PRKG1: variants seen among roughly 807,000 people sequenced by gnomAD.
PRKG1 encodes the protein protein kinase cGMP-dependent 1.
A neutral mutation model predicts 88.1 loss-of-function variants in PRKG1; 35 were observed. That is an observed-to-expected ratio of 0.40 (90% CI 0.30 to 0.53). The LOEUF is 0.53. Among genes scored for constraint, PRKG1 ranks in the 20% least tolerant of loss-of-function variants. The pLI is 0.59. For synonymous variants in PRKG1, 303 were observed against 292.5 expected (o/e 1.04, Z -0.37); for missense variants, 540 against 839.8 (o/e 0.64, Z 4.41).
chr10:52,041,443 ATTG>A (rs1436340705), intron 5 of PRKG1, among the ~76,000 whole-genome samples: 10 of 152,024 alleles, frequency 6.6e-5, no homozygotes, highest in Non-Finnish European at 8.8e-5. Context: ...TGTCATTTTT[ATTG>A]TTGTGGTCTT....
intron 9 of PRKG1, among the ~76,000 whole-genome samples, chr10:52,234,181 G>C (rs1481795093): frequency 1.3e-5 from 2 of 152,092 alleles, no homozygotes; most frequent in African/African-American, 4.8e-5. Flanking sequence ...CATCATCAAA[G>C]ACCAAAAGTA....
At chr10:51,901,036 T>C (rs1841968299) in intron 4 of PRKG1, among the ~76,000 whole-genome samples, 1 of 152,170 alleles carries the variant, frequency 6.6e-6, no homozygotes, top group Non-Finnish European at 1.5e-5. Context: ...ATGGTGAGTG[T>C]GTGGTGAATA....
chr10:51,903,557 A>G (rs947515865), intron 4 of PRKG1, among the ~76,000 whole-genome samples: 2 of 152,172 alleles, frequency 1.3e-5, no homozygotes, highest in Non-Finnish European at 2.9e-5. Context: ...TAGATAAACA[A>G]AAAATGATAC....
chr10:52,032,092 G>A (rs1845488869), intron 5 of PRKG1, among the ~76,000 whole-genome samples: 1 of 152,124 alleles, frequency 6.6e-6, no homozygotes, highest in Admixed American at 6.6e-5. Context: ...ATGAGTTGTA[G>A]GATTGCAGCA....
chr10:52,166,869 A>C (rs1838485916), intron 9 of PRKG1, among the ~76,000 whole-genome samples: 1 of 75,858 alleles, frequency 1.3e-5, no homozygotes, highest in African/African-American at 4.4e-5. Context: ...ATATCTGTAT[A>C]TGTGTATGTA....
chr10:51,895,522 T>C (rs1302240884), intron 4 of PRKG1, among the ~76,000 whole-genome samples: 1 of 152,186 alleles, frequency 6.6e-6, no homozygotes, highest in Non-Finnish European at 1.5e-5. Context: ...CCACGGTTTC[T>C]GTGTGTTTGG....
intron 3 of PRKG1, among the ~76,000 whole-genome samples, chr10:51,757,908 T>G (rs570428337): frequency 6.6e-6 from 1 of 152,202 alleles, no homozygotes; most frequent in Non-Finnish European, 1.5e-5. Flanking sequence ...TCTCTTATTT[T>G]TAGTTGTATG....
At chr10:51,210,297 C>T (rs2132071503) in intron 2 of PRKG1, among the ~76,000 whole-genome samples, 1 of 152,220 alleles carries the variant, frequency 6.6e-6, no homozygotes, top group South Asian at 2.1e-4. Flanking sequence ...ACCAGAATCT[C>T]TGGGACACAT....
At chr10:51,902,211 G>A (rs1348065169) in intron 4 of PRKG1, among the ~76,000 whole-genome samples, 1 of 152,012 alleles carries the variant, frequency 6.6e-6, no homozygotes, top group East Asian at 1.9e-4. Flanking sequence ...CTGCCTCCCG[G>A]GTTCAAGCAA....
intron 3 of PRKG1, among the ~76,000 whole-genome samples, chr10:51,686,161 CT>C: frequency 6.6e-6 from 1 of 151,740 alleles, no homozygotes; most frequent in East Asian, 1.9e-4. Flanking sequence ...TATTCTTTAA[CT>C]TTTAGGTTCA....
At chr10:51,338,608 A>C (rs956347985) in intron 2 of PRKG1, among the ~76,000 whole-genome samples, 33 of 152,170 alleles carry the variant, frequency 2.2e-4, no homozygotes, top group Admixed American at 1.1e-3. Flanking sequence ...TGGATTGTGT[A>C]AAATGAGATG....
intron 4 of PRKG1, among the ~76,000 whole-genome samples, chr10:51,817,851 CTCTTT>C (rs1477190189): frequency 1.3e-5 from 2 of 152,198 alleles, no homozygotes; most frequent in Non-Finnish European, 2.9e-5. Context: ...TCCTCTTCTT[CTCTTT>C]TCTTTCCTTC....
chr10:51,596,177 T>C (rs1838443896), intron 3 of PRKG1, among the ~76,000 whole-genome samples: 1 of 152,160 alleles, frequency 6.6e-6, no homozygotes, highest in South Asian at 2.1e-4. Flanking sequence ...AATTATAAGA[T>C]CTTCAAAAAC....
chr10:51,836,887 T>TA (rs1035137918), intron 4 of PRKG1, among the ~76,000 whole-genome samples: 14 of 152,294 alleles, frequency 9.2e-5, no homozygotes, highest in Admixed American at 8.5e-4. Flanking sequence ...CGGAGCATTT[T>TA]AAAAAAATTG....
At chr10:51,190,427 AAGGTAGATGGG>A (rs1837602540) in intron 2 of PRKG1, among the ~76,000 whole-genome samples, 1 of 151,876 alleles carries the variant, frequency 6.6e-6, no homozygotes, top group South Asian at 2.1e-4. Flanking sequence ...AGAGATTAGC[AAGGTAGATGGG>A]TACTAATGGG....
chr10:51,106,027 T>C (rs1844825014), intron 1 of PRKG1, among the ~76,000 whole-genome samples: 1 of 152,204 alleles, frequency 6.6e-6, no homozygotes, highest in African/African-American at 2.4e-5. Flanking sequence ...CCCAACATGA[T>C]TTCCACTCTG....
chr10:51,141,059 A>T (rs1273185578), intron 1 of PRKG1, among the ~76,000 whole-genome samples: 1 of 152,100 alleles, frequency 6.6e-6, no homozygotes, highest in African/African-American at 2.4e-5. Flanking sequence ...TTCTCTCTAG[A>T]CCACAGTTTT....
chr10:52,010,506 G>A (rs1388050538), intron 5 of PRKG1, among the ~76,000 whole-genome samples: 1 of 152,094 alleles, frequency 6.6e-6, no homozygotes, highest in Non-Finnish European at 1.5e-5. Flanking sequence ...TAACTGCTGA[G>A]TACTATACTC....
At chr10:51,280,998 C>T (rs1840279301) in intron 2 of PRKG1, among the ~76,000 whole-genome samples, 1 of 152,144 alleles carries the variant, frequency 6.6e-6, no homozygotes, top group Non-Finnish European at 1.5e-5. Context: ...GTTGTTTTAT[C>T]TACTTTTGCT....
Sources: gnomAD v4.1 joint callset for allele counts (sites outside exome capture counted in the v4.1 genomes callset) on GRCh38, gnomAD v4.1.1 for gene constraint, MANE v1.5 for transcripts, NCBI Gene and HGNC (gene_info 2026-07-23, HGNC 2026-07-21) for gene names.